MAPK10: variants seen among roughly 807,000 people sequenced by gnomAD.
The protein encoded by MAPK10 is JNK3 alpha protein kinase.
A neutral mutation model predicts 59.3 loss-of-function variants in MAPK10; 25 were observed. That is an observed-to-expected ratio of 0.42 (90% CI 0.31 to 0.59). The LOEUF is 0.59. Ranked by LOEUF, MAPK10 falls within the 20% of genes least tolerant of loss-of-function variation. The pLI is 0.15. For synonymous variants in MAPK10, 190 were observed against 200.5 expected (o/e 0.95, Z 0.44); for missense variants, 351 against 568.9 (o/e 0.62, Z 3.90).
chr4:86,503,201 T>C (rs1259299548), intron 1 of MAPK10, among the ~76,000 whole-genome samples: 1 of 152,122 alleles, frequency 6.6e-6, no homozygotes, highest in African/African-American at 2.4e-5. Flanking sequence ...ACAATTTTTC[T>C]CATCATGCAA....
intron 3 of MAPK10, among the ~76,000 whole-genome samples, chr4:86,181,107 AT>A (rs1244502923): frequency 6.6e-6 from 1 of 152,152 alleles, no homozygotes; most frequent in Non-Finnish European, 1.5e-5. Flanking sequence ...CTCCATAAAC[AT>A]GTATGATTGT....
upstream of MAPK10, chr4:86,457,877 C>A (rs1012437524): frequency 6.6e-6 from 1 of 152,134 alleles, no homozygotes; most frequent in South Asian, 2.1e-4. Context: ...AAGAACAAAT[C>A]TGGGCTGGGA....
intron 1 of MAPK10, among the ~76,000 whole-genome samples, chr4:86,534,121 T>C (rs1201614614): frequency 2.0e-5 from 3 of 152,050 alleles, no homozygotes; most frequent in African/African-American, 7.3e-5. Flanking sequence ...CTTATATTAT[T>C]TACCTCTCTA....
chr4:86,117,414 A>G (rs1483788510), intron 4 of MAPK10: 1 of 152,166 alleles, frequency 6.6e-6, no homozygotes, highest in Non-Finnish European at 1.5e-5. Flanking sequence ...TTTCTAACCA[A>G]TACAAGGACC....
upstream of MAPK10, among the ~76,000 whole-genome samples, chr4:86,457,155 C>G (rs934607791): frequency 6.6e-6 from 1 of 152,158 alleles, no homozygotes; most frequent in African/African-American, 2.4e-5. Context: ...AAAGGACATA[C>G]TTCAATGTAA....
chr4:86,162,662 T>C (rs918046429), intron 3 of MAPK10, among the ~76,000 whole-genome samples: 2 of 152,086 alleles, frequency 1.3e-5, no homozygotes, highest in South Asian at 2.1e-4. Context: ...CATTCTGATT[T>C]TGACAACTTT....
At chr4:86,168,508 G>T (rs972242467) in intron 3 of MAPK10, among the ~76,000 whole-genome samples, 1 of 152,232 alleles carries the variant, frequency 6.6e-6, no homozygotes, top group Non-Finnish European at 1.5e-5. Flanking sequence ...GAGGCTGGGG[G>T]AGAGGCGCCC....
rs150767661 is a variant in MAPK10 at position 86,078,016 on chromosome 4, G to A, written c.803-10061C>T. Among the ~76,000 whole-genome samples the A allele has an allele frequency of 1.3e-3, 203 of 152,228 alleles. 2 individuals carry two copies. The highest frequency in any genetic ancestry group is 4.7e-3 in the African/African-American group (194 of 41,538). ...CTGTGGTTCCCAAACTTGAATATTC[G>A]TAACGCAGGGAACTTACAAAAATAC... On this transcript the variant is annotated intron_variant, in intron 9 of 13. Transcript: ENST00000641462.
At chr4:86,427,116 G>A (rs1026898603) in intron 1 of MAPK10, among the ~76,000 whole-genome samples, 4 of 151,934 alleles carry the variant, frequency 2.6e-5, no homozygotes, top group Non-Finnish European at 5.9e-5. Context: ...AATTAGCCGG[G>A]TGTGGTGGCA....
At chr4:86,232,212 A>T (rs2148665803) in intron 2 of MAPK10, among the ~76,000 whole-genome samples, 1 of 152,320 alleles carries the variant, frequency 6.6e-6, no homozygotes, top group Middle Eastern at 3.4e-3. Flanking sequence ...TGACCCATAT[A>T]GTTTGCTGAT....
rs114135938 is a variant in MAPK10, at chr4:86,510,271, C to G, written c.-263+83639G>C. On this transcript the variant is annotated intron_variant, in intron 1 of 4. Transcript: ENST00000502302. ...GGGACTACAGGTATGTACCCCCATGCCTGGCTAATTTTTGTATTTTTTGTA... is the reference window on the plus strand; with the variant it reads ...GGGACTACAGGTATGTACCCCCATGGCTGGCTAATTTTTGTATTTTTTGTA... Among the ~76,000 whole-genome samples, 1,114 of 152,004 alleles carry G rather than the reference C, an allele frequency of 7.3e-3. 19 individuals carry two copies. Among genetic ancestry groups the G allele is most frequent in the African/African-American group, 0.025 (1,027 of 41,420 alleles).
intron 1 of MAPK10, among the ~76,000 whole-genome samples, chr4:86,465,628 A>C (rs1752133081): frequency 6.6e-6 from 1 of 152,262 alleles, no homozygotes; most frequent in Non-Finnish European, 1.5e-5. Context: ...CCGATAACAA[A>C]AAGTTGGGAA....
intron 4 of MAPK10, among the ~76,000 whole-genome samples, chr4:86,112,292 T>G (rs2057618167): frequency 6.6e-6 from 1 of 152,096 alleles, no homozygotes; most frequent in African/African-American, 2.4e-5. Context: ...TCTAGTTATT[T>G]TAGTTGTGAT....
intron 2 of MAPK10, among the ~76,000 whole-genome samples, chr4:86,218,397 G>A (rs560880013): frequency 6.6e-6 from 1 of 152,102 alleles, no homozygotes; most frequent in African/African-American, 2.4e-5. Context: ...AGCCAGGATG[G>A]TGATCCGCAC....
At chr4:86,552,186 G>A (rs4466012) in intron 1 of MAPK10, among the ~76,000 whole-genome samples, 41,320 of 151,560 alleles carry the variant, frequency 0.27, 6,246 homozygotes, top group Admixed American at 0.34. Context: ...TTGGGAGGCC[G>A]AGGCGGGAGG....
In MAPK10 at chr4:86,246,214, G is replaced by A. The variant is rs1244222058; in HGVS notation, c.-6-51807C>T. On this transcript the variant is annotated intron_variant, in intron 2 of 13. Transcript: ENST00000641462. ...TGGGAGGCCGAGGTGGACAGATCAC[G>A]AGGTCAGGAGATCGAGACTATCCTG... is the stretch of plus-strand genomic sequence containing the variant. 4.6e-5 allele frequency among the ~76,000 whole-genome samples: 7 copies of A among 152,246 alleles called. No individual in the cohort carries two copies. The East Asian group carries it at 5.8e-4, about 13-fold the overall frequency.
At chr4:86,320,040 T>G (rs2095859137) in intron 2 of MAPK10, among the ~76,000 whole-genome samples, 2 of 152,216 alleles carry the variant, frequency 1.3e-5, no homozygotes, top group African/African-American at 4.8e-5. Context: ...CTCTTGAAAG[T>G]AATGAGAAGT....
At position 86,538,457 on chromosome 4, in the gene MAPK10, C is replaced by T. The variant is rs766692743; in HGVS notation, c.-263+55453G>A. Reference sequence around the variant, plus strand: ...CACCGCACCCGGCCCTGAGCCACTGCGCCCGGTCCAATAAATCTTAATTTC... The same window carrying T: ...CACCGCACCCGGCCCTGAGCCACTGTGCCCGGTCCAATAAATCTTAATTTC... On this transcript the variant is annotated intron_variant, in intron 1 of 4. Transcript: ENST00000502302. 1.4e-4 allele frequency among the ~76,000 whole-genome samples: 21 copies of T among 152,260 alleles called. 1 individual carries two copies. The South Asian group carries it at 3.5e-3, about 26-fold the overall frequency.
At chr4:86,439,871 T>C (rs1489082825) in intron 1 of MAPK10, among the ~76,000 whole-genome samples, 1 of 152,176 alleles carries the variant, frequency 6.6e-6, no homozygotes, top group Non-Finnish European at 1.5e-5. Context: ...AAGTATTATA[T>C]ATTTTAATCC....
Sources: gnomAD v4.1 joint callset for allele counts (sites outside exome capture counted in the v4.1 genomes callset) on GRCh38, gnomAD v4.1.1 for gene constraint, MANE v1.5 for transcripts, NCBI Gene and HGNC (gene_info 2026-07-23, HGNC 2026-07-21) for gene names.